Variants in CADM2 observed in about 807,000 individuals in gnomAD.
The protein encoded by CADM2 is cell adhesion molecule 2.
A neutral mutation model predicts 49.8 loss-of-function variants in CADM2; 12 were observed. The observed-to-expected ratio is 0.24, with a 90% CI of 0.15 to 0.39. The LOEUF is 0.39. Ranked by LOEUF, CADM2 falls within the 10% of genes least tolerant of loss-of-function variation. The probability of loss-of-function intolerance (pLI) is 1.00; values close to 1 mark genes in which losing one functional copy is unlikely to be tolerated. For synonymous variants in CADM2, 214 were observed against 175.4 expected, an observed-to-expected ratio of 1.22 and a Z score of -1.74; for missense variants, 378 against 492.3, an observed-to-expected ratio of 0.77 and a Z score of 2.20.
chr3:85,289,432 A>G (rs755792296), intron 1 of CADM2, among the ~76,000 whole-genome samples: 94 of 152,236 alleles, frequency 6.2e-4, no homozygotes, highest in Non-Finnish European at 2.2e-4. Context: ...ATTTGAGTCT[A>G]GAACTTGACT....
chr3:85,368,515 TAC>T (rs2107308267), intron 1 of CADM2, among the ~76,000 whole-genome samples: 1 of 150,630 alleles, frequency 6.6e-6, no homozygotes, highest in East Asian at 1.9e-4. Context: ...TGTATATATA[TAC>T]ATGAATATTA....
intron 1 of CADM2, among the ~76,000 whole-genome samples, chr3:85,575,783 A>G (rs1179825743): frequency 6.6e-6 from 1 of 152,186 alleles, no homozygotes; most frequent in African/African-American, 2.4e-5. Context: ...GGAACTGTGT[A>G]TAGGAATATA....
chr3:85,813,589 G>C (rs537465670), intron 3 of CADM2, among the ~76,000 whole-genome samples: 19 of 152,180 alleles, frequency 1.2e-4, no homozygotes, highest in African/African-American at 4.3e-4. Flanking sequence ...TTGTTTTTGT[G>C]TTTTACACAT....
intron 8 of CADM2, among the ~76,000 whole-genome samples, chr3:85,987,162 T>A (rs948106385): frequency 1.3e-5 from 2 of 152,056 alleles, no homozygotes; most frequent in African/African-American, 4.8e-5. Context: ...TTGGAAAATA[T>A]CTGAGAAAAC....
chr3:85,964,659 A>G (rs1725252653), intron 8 of CADM2, among the ~76,000 whole-genome samples: 1 of 151,742 alleles, frequency 6.6e-6, no homozygotes, highest in African/African-American at 2.4e-5. Context: ...CCTCAATGAA[A>G]GGCCTACCCA....
intron 1 of CADM2, among the ~76,000 whole-genome samples, chr3:85,349,101 T>C (rs1200407671): frequency 1.3e-5 from 2 of 152,160 alleles, no homozygotes; most frequent in African/African-American, 4.8e-5. Context: ...CAAGACATTC[T>C]CAATGCAATC....
chr3:86,070,901 T>G lies in CADM2; in HGVS notation c.*4118T>G, dbSNP rs1739812228. 2.0e-5 allele frequency: 3 copies of G among 151,918 alleles called. No homozygotes were observed. In the South Asian group the frequency reaches 6.2e-4, roughly 31 times the overall value. The allele number at this position is 151,918 out of a possible 1,614,324, so 9.4% of individuals were successfully genotyped here. A position where few individuals can be genotyped will look rare whatever the true frequency, so the allele number is the denominator to read the frequency against. On this transcript the variant is annotated 3_prime_UTR_variant, in exon 10 of 10. Coordinates refer to ENST00000383699, the MANE Select transcript of CADM2 (RefSeq NM_001167675.2). Reference sequence around the variant, plus strand: ...TGTTTTGAAATATACACTGGCAATATTGAAATATACTCAGTGCAATATCTG... The same window carrying G: ...TGTTTTGAAATATACACTGGCAATAGTGAAATATACTCAGTGCAATATCTG...
intron 1 of CADM2, among the ~76,000 whole-genome samples, chr3:85,409,245 T>C (rs542520323): frequency 1.3e-5 from 2 of 152,194 alleles, no homozygotes; most frequent in Non-Finnish European, 2.9e-5. Context: ...CATTCCAATG[T>C]ACTTGCCTTT....
At chr3:85,708,843 G>T (rs1486039630) in intron 1 of CADM2, among the ~76,000 whole-genome samples, 1 of 151,898 alleles carries the variant, frequency 6.6e-6, no homozygotes, top group African/African-American at 2.4e-5. Context: ...CACAAAGGTT[G>T]CACGTGGAAG....
intron 3 of CADM2, among the ~76,000 whole-genome samples, chr3:85,823,733 G>A (rs2073739560): frequency 6.6e-6 from 1 of 152,104 alleles, no homozygotes; most frequent in African/African-American, 2.4e-5. Context: ...ATAGTACAAA[G>A]AGAATAAGTA....
chr3:86,023,060 C>T (rs1006897525), intron 8 of CADM2, among the ~76,000 whole-genome samples: 1 of 152,138 alleles, frequency 6.6e-6, no homozygotes, highest in Non-Finnish European at 1.5e-5. Flanking sequence ...GCATTTTTTA[C>T]TTCATTTTAC....
chr3:85,747,419 A>C (rs2068660633), intron 2 of CADM2, among the ~76,000 whole-genome samples: 1 of 152,134 alleles, frequency 6.6e-6, no homozygotes, highest in Non-Finnish European at 1.5e-5. Flanking sequence ...TTTGTATATT[A>C]ATATAAATAA....
intron 1 of CADM2, among the ~76,000 whole-genome samples, chr3:85,085,384 A>G (rs2037327968): frequency 6.6e-6 from 1 of 152,056 alleles, no homozygotes; most frequent in Admixed American, 6.6e-5. Context: ...TGCAAAGGAC[A>G]GTATTTTTTT....
chr3:85,398,367 G>A (rs2107427042), intron 1 of CADM2, among the ~76,000 whole-genome samples: 1 of 152,148 alleles, frequency 6.6e-6, no homozygotes, highest in South Asian at 2.1e-4. Context: ...AGTTTTCCAT[G>A]GTGTATATGT....
chr3:85,424,847 A>C (rs1198724491), intron 1 of CADM2, among the ~76,000 whole-genome samples: 1 of 152,142 alleles, frequency 6.6e-6, no homozygotes, highest in Non-Finnish European at 1.5e-5. Context: ...GGACACTAGA[A>C]TATAATTAAT....
chr3:85,766,184 G>T (rs1263954046), intron 2 of CADM2, among the ~76,000 whole-genome samples: 1 of 152,016 alleles, frequency 6.6e-6, no homozygotes, highest in African/African-American at 2.4e-5. Flanking sequence ...ACTTTAAAGT[G>T]TTCAAATTTC....
intron 3 of CADM2, among the ~76,000 whole-genome samples, chr3:85,839,422 A>G (rs2108258767): frequency 6.6e-6 from 1 of 152,016 alleles, no homozygotes; most frequent in Middle Eastern, 3.4e-3. Flanking sequence ...TAGATCTTAC[A>G]TAAAAGGCTA....
intron 1 of CADM2, among the ~76,000 whole-genome samples, chr3:85,056,321 C>T (rs946615269): frequency 1.3e-5 from 2 of 152,026 alleles, no homozygotes; most frequent in Non-Finnish European, 2.9e-5. Context: ...ATGGTTTTAT[C>T]TCTATTTTGC....
At chr3:85,966,404 A>G (rs1315117932) in intron 8 of CADM2, among the ~76,000 whole-genome samples, 1 of 151,500 alleles carries the variant, frequency 6.6e-6, no homozygotes, top group African/African-American at 2.4e-5. Flanking sequence ...TAGTAACCCT[A>G]TGTGAGTGTT....
Sources: allele counts gnomAD v4.1 joint callset (sites outside exome capture counted in the v4.1 genomes callset), GRCh38; gene constraint gnomAD v4.1.1; transcripts MANE v1.5; gene names NCBI Gene and HGNC (gene_info 2026-07-23, HGNC 2026-07-21).